Variants in BRAF observed in about 807,000 individuals in gnomAD.
BRAF encodes the protein serine/threonine-protein kinase B-raf.
Under a neutral mutation model 104.6 loss-of-function variants are expected in BRAF, and 16 were observed. The observed-to-expected ratio is 0.15, with a 90% CI of 0.10 to 0.23. The LOEUF is 0.23. Ranked by LOEUF, BRAF falls within the 10% of genes least tolerant of loss-of-function variation. The probability of loss-of-function intolerance (pLI) is 1.00; values close to 1 mark genes in which losing one functional copy is unlikely to be tolerated. For synonymous variants in BRAF, 310 were observed against 341.6 expected (o/e 0.91, Z 1.02); for missense variants, 541 against 937.3 (o/e 0.58, Z 5.52).
intron 18 of BRAF, among the ~76,000 whole-genome samples, chr7:140,736,627 A>C (rs949639517): frequency 6.6e-6 from 1 of 151,354 alleles, no homozygotes; most frequent in Non-Finnish European, 1.5e-5. Flanking sequence ...GAGTTTCTCC[A>C]TGTTGGTCAG....
intron 9 of BRAF, chr7:140,785,838 AAC>A: frequency 2.5e-6 from 1 of 398,966 alleles, no homozygotes. Context: ...GGGGCAGGCA[AAC>A]ACAGGAAGAC....
chr7:140,765,675 T>C lies in BRAF; in HGVS notation c.1814+11237A>G, dbSNP rs1004047457. On this transcript the variant is annotated intron_variant, in intron 14 of 19. Coordinates refer to ENST00000644969, the MANE Select transcript of BRAF (RefSeq NM_001374258.1). ...GACACTTCTCAAAAGAAGACATTTA[T>C]GCAGCCAAAAGACACATGAAAAAAT... Among the ~76,000 whole-genome samples, 1,510 of 152,186 alleles carry C rather than the reference T, an allele frequency of 9.9e-3. 25 individuals carry two copies. Among genetic ancestry groups the C allele is most frequent in the African/African-American group, 0.034 (1,417 of 41,474 alleles).
chr7:140,820,984 T>C (rs746122681), intron 3 of BRAF, among the ~76,000 whole-genome samples: 5 of 152,224 alleles, frequency 3.3e-5, no homozygotes, highest in East Asian at 3.8e-4. Context: ...TTTTTAGTTA[T>C]TGCACATACT....
intron 4 of BRAF, among the ~76,000 whole-genome samples, chr7:140,808,533 A>G (rs1803898414): frequency 6.6e-6 from 1 of 152,070 alleles, no homozygotes; most frequent in Non-Finnish European, 1.5e-5. Flanking sequence ...AAGTAGGTCA[A>G]TATAAAATGT....
chr7:140,795,405 G>A (rs538764171), intron 7 of BRAF, among the ~76,000 whole-genome samples: 31 of 152,266 alleles, frequency 2.0e-4, no homozygotes, highest in African/African-American at 7.0e-4. Flanking sequence ...CCAATGAATG[G>A]CTAAGTGCCA....
chr7:140,767,494 T>C (rs971329528), intron 14 of BRAF, among the ~76,000 whole-genome samples: 1 of 152,136 alleles, frequency 6.6e-6, no homozygotes, highest in Admixed American at 6.5e-5. Context: ...GGTGGGTAGA[T>C]GTCATAATGG....
chr7:140,723,449 AGGGGTG>A lies in BRAF; in HGVS notation c.*3039_*3044del, dbSNP rs1795423128. 9.5e-7 allele frequency: 1 copy of A among 1,054,496 alleles called. No homozygotes were observed. Among genetic ancestry groups the A allele is most frequent in the Non-Finnish European group, 1.1e-6 (1 of 872,832 alleles). The allele number at this position is 1,054,496 out of a possible 1,614,324, so 65.3% of individuals were successfully genotyped here. ...GCCCTACTAGATCTCAAATACAATC[AGGGGTG>A]AGATATTCGGGAACCAGAATTTGAC... On this transcript the variant is annotated 3_prime_UTR_variant, in exon 20 of 20. Transcript: ENST00000644969.
At chr7:140,789,019 G>A (rs1801674627) in intron 8 of BRAF, among the ~76,000 whole-genome samples, 1 of 151,422 alleles carries the variant, frequency 6.6e-6, no homozygotes, top group South Asian at 2.1e-4. Flanking sequence ...GACCAGCCTG[G>A]TCAACATGGT....
intron 6 of BRAF, chr7:140,801,094 A>G (rs1363683500): frequency 7.7e-6 from 2 of 258,808 alleles, no homozygotes; most frequent in Non-Finnish European, 1.5e-5. Flanking sequence ...GTACAAAATC[A>G]TAATGCTTAA....
Position 140,895,988 on chromosome 7 carries a change from G to A in BRAF, c.138+28578C>T, listed in dbSNP as rs528432383. The stretch of plus-strand genomic sequence containing the variant: ...GAACCTCCATACTGATACAGTGTCT[G>A]TACTAGTTTACATTCCCACCAAGAG... On this transcript the variant is annotated intron_variant, in intron 1 of 19. Coordinates refer to ENST00000644969, the MANE Select transcript of BRAF (RefSeq NM_001374258.1). Among the ~76,000 whole-genome samples the A allele has an allele frequency of 1.1e-4, 16 of 152,290 alleles. No homozygotes were observed. In the South Asian group the frequency reaches 1.5e-3, roughly 14 times the overall value.
At position 140,770,245 on chromosome 7, in the gene BRAF, C is replaced by T. The variant is rs547268420; in HGVS notation, c.1814+6667G>A. Among the ~76,000 whole-genome samples the T allele has an allele frequency of 6.6e-5, 10 of 152,184 alleles. No homozygotes were observed. In the East Asian group the frequency reaches 1.9e-3, roughly 29 times the overall value. ...TCGGCCACTTAGAATTATTATCAAT[C>T]ACTAATACATGTTCACCATTTTTTC... On this transcript the variant is annotated intron_variant, in intron 14 of 19. Coordinates refer to ENST00000644969, the MANE Select transcript of BRAF (RefSeq NM_001374258.1).
intron 18 of BRAF, among the ~76,000 whole-genome samples, chr7:140,737,325 TC>T (rs1440848535): frequency 2.0e-5 from 3 of 152,128 alleles, no homozygotes; most frequent in African/African-American, 7.2e-5. Flanking sequence ...CCTCCTCACT[TC>T]CCAACATTGT....
chr7:140,909,317 T>G (rs2129137966), intron 1 of BRAF, among the ~76,000 whole-genome samples: 1 of 152,140 alleles, frequency 6.6e-6, no homozygotes, highest in South Asian at 2.1e-4. Flanking sequence ...CCCAGCTACT[T>G]GGGAGGCTGA....
intron 11 of BRAF, 107 bp from the exon 11 acceptor site, chr7:140,781,800 T>A: frequency 2.3e-6 from 2 of 882,340 alleles, no homozygotes; most frequent in Non-Finnish European, 3.7e-6. Context: ...CAGGAAGAGA[T>A]CCCCTTAAGA....
chr7:140,875,532 C>T (rs935563270), intron 1 of BRAF, among the ~76,000 whole-genome samples: 5 of 152,158 alleles, frequency 3.3e-5, no homozygotes, highest in Non-Finnish European at 7.3e-5. Context: ...CCCGCGAACA[C>T]GCCTGGCTAA....
At chr7:140,747,344 A>G in intron 17 of BRAF, 1 of 1,215,946 alleles carries the variant, frequency 8.2e-7, no homozygotes, top group South Asian at 1.4e-5. Context: ...TATTAGAAAG[A>G]ATTAACTAGT....
chr7:140,865,869 A>C (rs989006553), intron 1 of BRAF, among the ~76,000 whole-genome samples: 1 of 152,216 alleles, frequency 6.6e-6, no homozygotes, highest in Non-Finnish European at 1.5e-5. Context: ...CATCTAAAAT[A>C]ATCTAAAACT....
At chr7:140,871,509 T>A (rs988543598) in intron 1 of BRAF, among the ~76,000 whole-genome samples, 1 of 152,130 alleles carries the variant, frequency 6.6e-6, no homozygotes, top group Non-Finnish European at 1.5e-5. Flanking sequence ...ATATTCAATA[T>A]TCACTTTCTC....
chr7:140,854,201 A>G (rs906925463), intron 1 of BRAF, among the ~76,000 whole-genome samples: 1 of 152,112 alleles, frequency 6.6e-6, no homozygotes, highest in African/African-American at 2.4e-5. Flanking sequence ...TCCTTAGAGC[A>G]TCCCTCTATG....
Sources: allele counts gnomAD v4.1 joint callset (sites outside exome capture counted in the v4.1 genomes callset), GRCh38; gene constraint gnomAD v4.1.1; transcripts MANE v1.5; gene names NCBI Gene and HGNC (gene_info 2026-07-23, HGNC 2026-07-21).